HGF: variants seen among roughly 807,000 people sequenced by gnomAD.
HGF encodes the protein hepatocyte growth factor.
A neutral mutation model predicts 111.6 loss-of-function variants in HGF; 39 were observed. The observed-to-expected ratio is 0.35, with a 90% confidence interval of 0.27 to 0.46. The LOEUF (loss-of-function observed/expected upper bound fraction) is 0.46. Ranked by LOEUF, HGF falls within the 20% of genes least tolerant of loss-of-function variation. The pLI is 1.00. For missense variants in HGF, 735 were observed against 910.5 expected, an observed-to-expected ratio of 0.81 and a Z score of 2.48; for synonymous variants, 285 against 294.8, an observed-to-expected ratio of 0.97 and a Z score of 0.34.
At chr7:81,715,591 T>C (rs1430548992) in intron 11 of HGF, among the ~76,000 whole-genome samples, 1 of 152,102 alleles carries the variant, frequency 6.6e-6, no homozygotes, top group East Asian at 1.9e-4. Context: ...TCCCAACCTA[T>C]TAAAAATAGA....
At position 81,709,718 on chromosome 7, in the gene HGF, A is replaced by C. The variant is rs5745741; in HGVS notation, c.1541+429T>G. 9.2e-3 allele frequency among the ~76,000 whole-genome samples: 1,402 copies of C among 152,304 alleles called. 30 individuals carry two copies. Among genetic ancestry groups the C allele is most frequent in the African/African-American group, 0.032 (1,344 of 41,576 alleles). On this transcript the variant is annotated intron_variant, in intron 13 of 17. Coordinates refer to ENST00000222390, the MANE Select transcript of HGF (RefSeq NM_000601.6). ...TTTTTCATTTGATTGACAAGGAAAA[A>C]GTCAGAAATTAAAAACAAATATAAA...
chr7:81,767,559 C>A (rs926922077), intron 1 of HGF, among the ~76,000 whole-genome samples: 12 of 152,284 alleles, frequency 7.9e-5, no homozygotes, highest in Non-Finnish European at 1.5e-4. Context: ...TTTAATGCTT[C>A]TTTTATTACA....
At chr7:81,721,046 C>T (rs1201014848) in intron 9 of HGF, among the ~76,000 whole-genome samples, 199 bp from the exon 10 acceptor site, 8 of 152,220 alleles carry the variant, frequency 5.3e-5, no homozygotes, top group Non-Finnish European at 7.3e-5. Context: ...GAGATCGAGA[C>T]CATCCTGGCT....
At chr7:81,714,991 T>C (rs2115831206) in intron 11 of HGF, among the ~76,000 whole-genome samples, 1 of 152,294 alleles carries the variant, frequency 6.6e-6, no homozygotes, top group South Asian at 2.1e-4. Flanking sequence ...CCTCAAGTCT[T>C]TCAACAGCAC....
intron 7 of HGF, among the ~76,000 whole-genome samples, chr7:81,741,583 C>CTGTGTGTGTGTG (rs78641495): frequency 2.1e-5 from 3 of 140,652 alleles, no homozygotes; most frequent in African/African-American, 7.8e-5. Flanking sequence ...GTGTGTGTGT[C>CTGTGTGTGTGTG]TGTGTGTGTG....
intron 4 of HGF, 143 bp from the exon 5 acceptor site, chr7:81,752,405 T>C (rs191681847): frequency 1.5e-6 from 1 of 672,422 alleles, no homozygotes; most frequent in East Asian, 2.7e-5. Context: ...ACCTTAAAAT[T>C]CTGTCATTTT....
intron 5 of HGF, among the ~76,000 whole-genome samples, chr7:81,745,654 G>A (rs572051710): frequency 7.9e-5 from 12 of 152,246 alleles, no homozygotes; most frequent in African/African-American, 2.4e-4. Flanking sequence ...CAAAGAATAC[G>A]GATATTTTTA....
In HGF at chr7:81,710,146, C is replaced by T. The variant is rs2115798001; in HGVS notation, c.1541+1G>A. 1 of 1,557,606 alleles carries T rather than the reference C, an allele frequency of 6.4e-7. No individual in the cohort carries two copies. Among genetic ancestry groups the T allele is most frequent in the Non-Finnish European group, 8.9e-7 (1 of 1,128,730 alleles). On this transcript the variant is annotated splice_donor_variant, in intron 13 of 17. Coordinates refer to ENST00000222390, the MANE Select transcript of HGF (RefSeq NM_000601.6). LOFTEE classifies it high-confidence loss of function. ...CATGACTTGCATCTATTAATAATTA[C>T]CTGTATCTCAAACTAACCATCCATC...
At chr7:81,723,144 T>C (rs948651875) in intron 9 of HGF, among the ~76,000 whole-genome samples, 1 of 151,866 alleles carries the variant, frequency 6.6e-6, no homozygotes, top group African/African-American at 2.4e-5. Context: ...GTAACAAACC[T>C]ACACATACAT....
chr7:81,712,200 C>T (rs1789589292), intron 11 of HGF, among the ~76,000 whole-genome samples: 1 of 152,068 alleles, frequency 6.6e-6, no homozygotes, highest in Non-Finnish European at 1.5e-5. Context: ...ATGAACATTC[C>T]ATTGAATAGC....
intron 17 of HGF, 136 bp downstream of exon 17, chr7:81,705,254 T>TA: frequency 1.2e-6 from 1 of 803,410 alleles, no homozygotes; most frequent in South Asian, 1.5e-5. Context: ...ATTACAGAGT[T>TA]AATTTTCCCA....
intron 7 of HGF, chr7:81,742,773 A>G (rs1788059722): frequency 2.0e-6 from 3 of 1,532,170 alleles, no homozygotes; most frequent in Non-Finnish European, 1.8e-6. Flanking sequence ...ATGGACTGCT[A>G]AAAGACAGAT....
At chr7:81,711,647 GTT>G in intron 11 of HGF, 128 bp from the exon 12 acceptor site, 2 of 488,810 alleles carry the variant, frequency 4.1e-6, no homozygotes, top group Non-Finnish European at 7.4e-6. Context: ...TGTTGTTGTT[GTT>G]TTGTTTTGTT....
chr7:81,705,618 A>G (rs2115764195), intron 16 of HGF, 29 bp downstream of exon 16: 2 of 1,591,492 alleles, frequency 1.3e-6, no homozygotes, highest in Non-Finnish European at 1.7e-6. Flanking sequence ...TAAAATAAAT[A>G]TGGCCTCATC....
chr7:81,725,749 A>G (rs1789988250), intron 9 of HGF, 141 bp downstream of exon 9: 2 of 939,994 alleles, frequency 2.1e-6, no homozygotes, highest in Admixed American at 1.7e-5. Context: ...AGAAAAATCC[A>G]GCTTCAAACT....
In HGF at chr7:81,720,754, T is replaced by G. The variant is rs767907135; in HGVS notation, c.1262A>C (p.Asp421Ala). The part of the protein sequence containing the change: ...TCSMWDKNME[D>A]LHRHIFWEPD... Reference sequence around the variant, plus strand: ...GAAGAAATTTACACACCGATGTAAGTCTTCCATGTTCTTGTCCCACATTGA... The same window carrying G: ...GAAGAAATTTACACACCGATGTAAGGCTTCCATGTTCTTGTCCCACATTGA... The change falls in exon 10 of 18, where the codon GAC becomes GCC. Residue 421 changes from aspartate (D) to alanine (A), a missense_variant. Asp to Ala is a moderately radical substitution (Grantham distance 126). Around this residue, in one of 3 missense-constraint regions of HGF, gnomAD observed 553 missense variants for 685.6 expected, o/e 0.81. Transcript: ENST00000222390. 6.3e-7 allele frequency: 1 copy of G among 1,598,638 alleles called. No homozygotes were observed. Among genetic ancestry groups the G allele is most frequent in the South Asian group, 1.1e-5 (1 of 90,764 alleles).
intron 7 of HGF, among the ~76,000 whole-genome samples, chr7:81,742,304 G>A (rs1057169477): frequency 1.3e-5 from 2 of 152,148 alleles, no homozygotes; most frequent in African/African-American, 4.8e-5. Context: ...GTACCATAGT[G>A]TGGATAATAT....
intron 4 of HGF, among the ~76,000 whole-genome samples, chr7:81,754,960 G>C (rs1438967572): frequency 1.3e-5 from 2 of 152,100 alleles, no homozygotes; most frequent in African/African-American, 4.8e-5. Context: ...GGCTTTAAGA[G>C]AGACAAGTGA....
chr7:81,715,689 A>T (rs192900497), intron 11 of HGF, among the ~76,000 whole-genome samples: 165 of 152,242 alleles, frequency 1.1e-3, no homozygotes, highest in African/African-American at 3.8e-3. Flanking sequence ...TTCATAAAAC[A>T]TGACTGCTGT....
Sources: allele counts gnomAD v4.1 joint callset (sites outside exome capture counted in the v4.1 genomes callset), GRCh38; gene constraint gnomAD v4.1.1; regional missense constraint gnomAD v4.1.1; transcripts MANE v1.5; gene names NCBI Gene and HGNC (gene_info 2026-07-23, HGNC 2026-07-21).